GFRAL: variants seen among roughly 807,000 people sequenced by gnomAD.
GFRAL encodes the protein GDNF family receptor alpha-like.
In GFRAL, 36 loss-of-function variants were observed where a neutral mutation model predicts 45.4. The ratio of observed to expected loss-of-function variants is 0.79; its 90% CI spans 0.61 to 1.05. GFRAL has a LOEUF of 1.05. GFRAL is among the 50% of genes least tolerant of loss of function. The probability of loss-of-function intolerance (pLI) is 0.00; values close to 1 mark genes in which losing one functional copy is unlikely to be tolerated. For missense variants in GFRAL, 507 were observed against 467.5 expected, an observed-to-expected ratio of 1.08 and a Z score of -0.78; for synonymous variants, 166 against 154.1, an observed-to-expected ratio of 1.08 and a Z score of -0.57.
chr6:55,387,513 A>G (rs972281211), intron 6 of GFRAL, among the ~76,000 whole-genome samples: 2 of 152,202 alleles, frequency 1.3e-5, no homozygotes, highest in African/African-American at 4.8e-5. Context: ...TTGCCATAAA[A>G]CACCATATGT....
At chr6:55,332,226 A>T (rs1767839517) in intron 2 of GFRAL, among the ~76,000 whole-genome samples, 1 of 152,138 alleles carries the variant, frequency 6.6e-6, no homozygotes, top group South Asian at 2.1e-4. Context: ...TGTTATAATA[A>T]TTGTTGTGCA....
At chr6:55,380,174 G>A (rs1434050665) in intron 6 of GFRAL, among the ~76,000 whole-genome samples, 2 of 151,904 alleles carry the variant, frequency 1.3e-5, no homozygotes, top group Non-Finnish European at 2.9e-5. Flanking sequence ...GGTAGTTCTA[G>A]TTTTAATTTT....
chr6:55,363,201 G>A (rs1221528258), intron 6 of GFRAL, among the ~76,000 whole-genome samples: 1 of 151,878 alleles, frequency 6.6e-6, no homozygotes, highest in Non-Finnish European at 1.5e-5. Flanking sequence ...ATTCTCAAGA[G>A]AGAGCCAATG....
intron 6 of GFRAL, among the ~76,000 whole-genome samples, chr6:55,396,900 TC>T (rs1441873599): frequency 7.1e-6 from 1 of 141,220 alleles, no homozygotes; most frequent in Admixed American, 7.3e-5. Context: ...TTTTCTGGAG[TC>T]AGAGTCTTGG....
Position 55,331,850 on chromosome 6 carries a change from G to A in GFRAL, c.157+1G>A. Reference sequence around the variant, plus strand: ...ATGGAAGATGCCTGCAATGATTCAGGTAAACAAGTTGCTAAAAATACACTC... The same window carrying A: ...ATGGAAGATGCCTGCAATGATTCAGATAAACAAGTTGCTAAAAATACACTC... On this transcript the variant is annotated splice_donor_variant, in intron 2 of 8. Coordinates refer to ENST00000340465, the MANE Select transcript of GFRAL (RefSeq NM_207410.2). LOFTEE classifies it high-confidence loss of function. 1.2e-6 allele frequency: 2 copies of A among 1,605,522 alleles called. No homozygotes were observed. The highest frequency in any genetic ancestry group is 8.5e-7 in the Non-Finnish European group (1 of 1,176,958).
intron 1 of GFRAL, among the ~76,000 whole-genome samples, chr6:55,328,864 T>C (rs1225171847): frequency 6.6e-6 from 1 of 152,046 alleles, no homozygotes; most frequent in Non-Finnish European, 1.5e-5. Flanking sequence ...ACATTTCCCA[T>C]ATTATATTTT....
chr6:55,356,422 A>G (rs1397804692), intron 5 of GFRAL, among the ~76,000 whole-genome samples: 2 of 151,882 alleles, frequency 1.3e-5, no homozygotes, highest in African/African-American at 4.8e-5. Context: ...GGACTTCTTT[A>G]TAGTTCAATC....
intron 6 of GFRAL, among the ~76,000 whole-genome samples, chr6:55,363,147 GT>G (rs1768300569): frequency 1.3e-5 from 2 of 151,808 alleles, no homozygotes; most frequent in African/African-American, 4.8e-5. Context: ...AAAAAAGCAT[GT>G]GATACATGCT....
chr6:55,331,465 A>T (rs4715530), intron 1 of GFRAL, among the ~76,000 whole-genome samples: 73,768 of 151,980 alleles, frequency 0.49, 19,309 homozygotes, highest in Non-Finnish European at 0.61. Flanking sequence ...AGTAATAAAA[A>T]TAAATTATAA....
chr6:55,362,654 A>T (rs1323006326), intron 6 of GFRAL, among the ~76,000 whole-genome samples: 1 of 151,996 alleles, frequency 6.6e-6, no homozygotes, highest in Admixed American at 6.6e-5. Flanking sequence ...GGATTAAAGG[A>T]TCCATTATTG....
At chr6:55,375,707 A>T (rs899066203) in intron 6 of GFRAL, among the ~76,000 whole-genome samples, 1 of 152,148 alleles carries the variant, frequency 6.6e-6, no homozygotes, top group Non-Finnish European at 1.5e-5. Context: ...TTGCACATTA[A>T]TCTTATATCC....
intron 6 of GFRAL, among the ~76,000 whole-genome samples, chr6:55,382,396 A>C (rs116373186): frequency 0.015 from 2,314 of 152,084 alleles, 34 homozygotes; most frequent in Non-Finnish European, 0.025. Flanking sequence ...AATACCATCC[A>C]ATGTAAAAAT....
chr6:55,361,786 G>A (rs1010578220), intron 6 of GFRAL, among the ~76,000 whole-genome samples: 4 of 151,954 alleles, frequency 2.6e-5, no homozygotes, highest in African/African-American at 7.2e-5. Context: ...GCACTCTCAT[G>A]AATTTTCAAA....
At chr6:55,366,632 T>TATGTTGTGTCTTTGTTCTGGTTGGTTTC (rs2127359420) in intron 6 of GFRAL, among the ~76,000 whole-genome samples, 1 of 122,672 alleles carries the variant, frequency 8.2e-6, no homozygotes, top group East Asian at 2.0e-4. Flanking sequence ...GAGATTCTGG[T>TATGTTGTGTCTTTGTTCTGGTTGGTTTC]ATGTTGTGTC....
chr6:55,385,289 A>G (rs986702583), intron 6 of GFRAL, among the ~76,000 whole-genome samples: 1 of 152,058 alleles, frequency 6.6e-6, no homozygotes, highest in Non-Finnish European at 1.5e-5. Context: ...AGAAAACTGA[A>G]GCTATAAAAG....
chr6:55,339,275 T>A (rs1767930344), intron 3 of GFRAL, among the ~76,000 whole-genome samples: 1 of 152,142 alleles, frequency 6.6e-6, no homozygotes, highest in Non-Finnish European at 1.5e-5. Context: ...TGAGTTGTAT[T>A]CTGAAAACAT....
chr6:55,363,011 C>A (rs559097124), intron 6 of GFRAL, among the ~76,000 whole-genome samples: 1 of 148,468 alleles, frequency 6.7e-6, no homozygotes, highest in Admixed American at 6.7e-5. Flanking sequence ...AGGAAAAGAA[C>A]AAGGAGAAGA....
intron 8 of GFRAL, among the ~76,000 whole-genome samples, chr6:55,400,577 T>C (rs1365329312): frequency 1.3e-5 from 2 of 152,162 alleles, no homozygotes; most frequent in African/African-American, 4.8e-5. Context: ...CTAAACAAAA[T>C]GTATCCACTG....
chr6:55,330,120 G>A (rs750842610), intron 1 of GFRAL, among the ~76,000 whole-genome samples: 5 of 151,958 alleles, frequency 3.3e-5, no homozygotes, highest in Non-Finnish European at 7.4e-5. Context: ...AATTAACATT[G>A]CTATTTTCTT....
Sources: allele counts gnomAD v4.1 joint callset (sites outside exome capture counted in the v4.1 genomes callset), GRCh38; gene constraint gnomAD v4.1.1; transcripts MANE v1.5; gene names NCBI Gene and HGNC (gene_info 2026-07-23, HGNC 2026-07-21).